The following CEP164 variants were observed in gnomAD, a reference collection of about 807,000 sequenced individuals.
The protein encoded by CEP164 is centrosomal protein 164, also known as centrosomal protein of 164 kDa.
In CEP164, 162 loss-of-function variants were observed where a neutral mutation model predicts 182.7. That is an observed-to-expected ratio of 0.89 (90% confidence interval 0.78 to 1.01). The LOEUF is 1.01. Ranked by LOEUF, CEP164 falls within the 50% of genes least tolerant of loss-of-function variation. The pLI is 0.00. For missense variants in CEP164, 1,735 were observed against 1,790.4 expected (o/e 0.97, Z 0.56); for synonymous variants, 661 against 690.0 (o/e 0.96, Z 0.66).
rs1021194041 is a variant in CEP164, at chr11:117,336,306, C to A, written c.-22+626C>A. The A allele has an allele frequency of 8.6e-6, 13 of 1,518,086 alleles. No homozygotes were observed. In the South Asian group the frequency reaches 1.5e-4, roughly 17 times the overall value. The allele number at this position is 1,518,086 out of a possible 1,614,324, so 94.0% of individuals were successfully genotyped here. On this transcript the variant is annotated intron_variant, in intron 2 of 32. Transcript: ENST00000278935. ...TATGAGCTTTCTTCATTTTATTCTG[C>A]ATCTTCTTGTCCGCTGTCACTGCTG...
chr11:117,345,536 C>T (rs992246577), intron 4 of CEP164, among the ~76,000 whole-genome samples: 3 of 152,144 alleles, frequency 2.0e-5, no homozygotes, highest in African/African-American at 7.2e-5. Context: ...TGGTTTTGTG[C>T]AATTTTGTAG....
chr11:117,374,803 A>G (rs1377344137), intron 10 of CEP164, among the ~76,000 whole-genome samples: 1 of 152,184 alleles, frequency 6.6e-6, no homozygotes, highest in African/African-American at 2.4e-5. Flanking sequence ...ATGGAAGTAG[A>G]TGGAGGAGGC....
At chr11:117,407,832 T>C in intron 27 of CEP164, 93 bp from the exon 28 acceptor site, 1 of 797,180 alleles carries the variant, frequency 1.3e-6, no homozygotes, top group Non-Finnish European at 2.1e-6. Flanking sequence ...CTATAGTAAT[T>C]TGTTCAAGAT....
At chr11:117,401,868 CTTT>C (rs1299431278) in intron 27 of CEP164, among the ~76,000 whole-genome samples, 1 of 151,876 alleles carries the variant, frequency 6.6e-6, no homozygotes, top group Non-Finnish European at 1.5e-5. Flanking sequence ...ATTTTTTCTT[CTTT>C]ATTAGTCTGG....
chr11:117,355,998 A>AGAGCAGCAG lies in CEP164; in HGVS notation c.393+4011_393+4019dup, dbSNP rs983804005. 5 of 904,850 alleles carry AGAGCAGCAG rather than the reference A, an allele frequency of 5.5e-6. No individual in the cohort carries two copies. The African/African-American group carries it at 1.0e-4, about 19-fold the overall frequency. The allele number at this position is 904,850 out of a possible 1,614,324, so 56.1% of individuals were successfully genotyped here. A position where few individuals can be genotyped will look rare whatever the true frequency, so the allele number is the denominator to read the frequency against. ...CCTAGCTTGTCTGGGCCTGACTTGG[A>AGAGCAGCAG]GAGCAGCAGCAGCAGCAGCAGCAAC... On this transcript the variant is annotated intron_variant, in intron 5 of 32. Coordinates refer to ENST00000278935, the MANE Select transcript of CEP164 (RefSeq NM_014956.5).
upstream of CEP164, among the ~76,000 whole-genome samples, chr11:117,324,990 C>T (rs1436570713): frequency 6.6e-6 from 1 of 152,174 alleles, no homozygotes; most frequent in African/African-American, 2.4e-5. Context: ...TTTTGAATCC[C>T]TGTTTTGTGC....
At chr11:117,405,821 C>T (rs1034491325) in intron 27 of CEP164, among the ~76,000 whole-genome samples, 3 of 152,198 alleles carry the variant, frequency 2.0e-5, no homozygotes, top group Non-Finnish European at 4.4e-5. Flanking sequence ...GAGCAAAATG[C>T]TTCCAGTCCC....
intron 4 of CEP164, among the ~76,000 whole-genome samples, chr11:117,346,474 G>T (rs908904006): frequency 3.3e-5 from 5 of 151,738 alleles, no homozygotes; most frequent in African/African-American, 1.2e-4. Context: ...GATCAGGCTG[G>T]TCTTGAACTC....
chr11:117,397,356 G>A (rs1378138091), intron 27 of CEP164, 43 bp downstream of exon 27: 1 of 1,569,740 alleles, frequency 6.4e-7, no homozygotes. Flanking sequence ...GTGTGGGGGA[G>A]GCGGGGGGAG....
chr11:117,400,796 T>C (rs2046049038), intron 27 of CEP164, among the ~76,000 whole-genome samples: 2 of 152,204 alleles, frequency 1.3e-5, no homozygotes, highest in African/African-American at 4.8e-5. Context: ...TTGCCTATTA[T>C]TGGTGTATAG....
At chr11:117,400,389 C>G (rs890885173) in intron 27 of CEP164, among the ~76,000 whole-genome samples, 4 of 152,092 alleles carry the variant, frequency 2.6e-5, no homozygotes, top group Non-Finnish European at 5.9e-5. Flanking sequence ...GTTACTGTAG[C>G]CTTGTAGTAT....
At chr11:117,380,128 C>A (rs2043161674) in intron 11 of CEP164, among the ~76,000 whole-genome samples, 1 of 152,010 alleles carries the variant, frequency 6.6e-6, no homozygotes, top group African/African-American at 2.4e-5. Flanking sequence ...GACTCCATCT[C>A]TCCAGGACTT....
intron 1 of CEP164, among the ~76,000 whole-genome samples, chr11:117,331,297 G>A (rs1405010483): frequency 1.3e-5 from 2 of 152,180 alleles, no homozygotes; most frequent in Non-Finnish European, 2.9e-5. Context: ...ATGAGCAGAA[G>A]GCAGACTTGA....
intron 11 of CEP164, 114 bp downstream of exon 11, chr11:117,375,905 C>T: frequency 4.7e-6 from 4 of 847,194 alleles, no homozygotes; most frequent in Non-Finnish European, 7.8e-6. Flanking sequence ...TAAGTCCTCT[C>T]CCTTCTAATT....
In CEP164 at chr11:117,390,775, A is replaced by T; in HGVS notation, c.1935-2A>T. On this transcript the variant is annotated splice_acceptor_variant, in intron 15 of 32. Coordinates refer to ENST00000278935, the MANE Select transcript of CEP164 (RefSeq NM_014956.5). LOFTEE classifies it high-confidence loss of function. ...CAACCTAGCCTTTCCTTTCCATCTC[A>T]GTTCCTTGAGGGAGCGGCTGCAGAA... 6.2e-7 allele frequency: 1 copy of T among 1,613,954 alleles called. No individual in the cohort carries two copies. Among genetic ancestry groups the T allele is most frequent in the Non-Finnish European group, 8.5e-7 (1 of 1,179,974 alleles).
chr11:117,381,971 C>G, intron 13 of CEP164, 103 bp downstream of exon 13: 5 of 387,224 alleles, frequency 1.3e-5, no homozygotes, highest in East Asian at 9.4e-5. Context: ...GTGGGGTTGG[C>G]TTGGGGAGGG....
rs773034584 is a variant in CEP164 at position 117,382,989 on chromosome 11, G to T, written c.1724+47G>T. 1.9e-6 allele frequency: 3 copies of T among 1,585,202 alleles called. No homozygotes were observed. The South Asian group carries it at 3.4e-5, about 18-fold the overall frequency. On this transcript the variant is annotated intron_variant, in intron 14 of 32. Coordinates refer to ENST00000278935, the MANE Select transcript of CEP164 (RefSeq NM_014956.5). ...CTGTCCCTGACCTCCACTGCGTGTG[G>T]GCTGCTTCAGTGCCTATTCACTCTT...
intron 17 of CEP164, 82 bp downstream of exon 17, chr11:117,391,297 G>C: frequency 2.6e-3 from 3,189 of 1,225,772 alleles, no homozygotes; most frequent in Non-Finnish European, 3.4e-3. Context: ...AGGAGAAGAA[G>C]GGCAAGTCTC....
chr11:117,386,002 C>A (rs2043906956), intron 14 of CEP164: 1 of 152,230 alleles, frequency 6.6e-6, no homozygotes, highest in African/African-American at 2.4e-5. Flanking sequence ...CCGCTGCTTT[C>A]CATCTGCAGC....
Sources: gnomAD v4.1 joint callset for allele counts (sites outside exome capture counted in the v4.1 genomes callset) on GRCh38, gnomAD v4.1.1 for gene constraint, MANE v1.5 for transcripts, NCBI Gene and HGNC (gene_info 2026-07-23, HGNC 2026-07-21) for gene names.